Variants in FOXO1 observed in about 807,000 individuals in gnomAD.
The protein encoded by FOXO1 is forkhead box O1, also known as forkhead box protein O1.
Under a neutral mutation model 44.1 loss-of-function variants are expected in FOXO1, and 6 were observed. The ratio of observed to expected loss-of-function variants is 0.14; its 90% CI spans 0.07 to 0.27. The LOEUF is 0.27. FOXO1 is among the 10% of genes least tolerant of loss of function. FOXO1 has a pLI of 1.00. For missense variants in FOXO1, 737 were observed against 888.8 expected (o/e 0.83, Z 2.17); for synonymous variants, 380 against 362.7 (o/e 1.05, Z -0.54).
chr13:40,570,554 A>G (rs758845830), intron 1 of FOXO1, among the ~76,000 whole-genome samples: 1 of 152,224 alleles, frequency 6.6e-6, no homozygotes, highest in East Asian at 1.9e-4. Flanking sequence ...ATTTCAGAGT[A>G]ACATTTCAGC....
At position 40,557,356 on chromosome 13, in the gene FOXO1, A is replaced by G. The variant is rs559112253; in HGVS notation, c.*1693T>C. On this transcript the variant is annotated 3_prime_UTR_variant, in exon 3 of 3. Coordinates refer to ENST00000379561, the MANE Select transcript of FOXO1 (RefSeq NM_002015.4). The stretch of plus-strand genomic sequence containing the variant: ...GTCAGTTACAGGTAATTGGAAAGTA[A>G]TAAAACATAATGATAGGAATTACAG... 6.6e-6 allele frequency: 1 copy of G among 152,370 alleles called. No homozygotes were observed. The highest frequency in any genetic ancestry group is 6.5e-5 in the Admixed American group (1 of 15,308). 9.4% of individuals were successfully genotyped at this position (152,370 alleles called of 1,614,324 possible).
intron 1 of FOXO1, among the ~76,000 whole-genome samples, chr13:40,616,940 G>C (rs1452766686): frequency 6.6e-6 from 1 of 152,148 alleles, no homozygotes; most frequent in Non-Finnish European, 1.5e-5. Flanking sequence ...TTTTTCAATG[G>C]AAAGCCCTCA....
chr13:40,569,261 G>A (rs1350941751), intron 1 of FOXO1, among the ~76,000 whole-genome samples: 2 of 152,246 alleles, frequency 1.3e-5, no homozygotes, highest in Non-Finnish European at 2.9e-5. Context: ...AGAACCGGAG[G>A]TGCCGGCTCT....
At chr13:40,635,253 G>A (rs761383204) in intron 1 of FOXO1, among the ~76,000 whole-genome samples, 16 of 151,944 alleles carry the variant, frequency 1.1e-4, no homozygotes, top group East Asian at 1.9e-4. Flanking sequence ...TTCCTCCTAC[G>A]AAGAAACACA....
At chr13:40,580,765 G>T (rs555514172) in intron 1 of FOXO1, among the ~76,000 whole-genome samples, 1 of 152,232 alleles carries the variant, frequency 6.6e-6, no homozygotes, top group East Asian at 1.9e-4. Context: ...CAATGTTTAC[G>T]CAATCACTAT....
intron 1 of FOXO1, among the ~76,000 whole-genome samples, chr13:40,655,348 C>CAAA (rs1170592440): frequency 2.1e-5 from 2 of 94,576 alleles, no homozygotes; most frequent in Non-Finnish European, 4.4e-5. Flanking sequence ...GACCCCATCT[C>CAAA]AAAAAAAAAA....
chr13:40,556,353 A>G lies in FOXO1; in HGVS notation c.*2696T>C, dbSNP rs1873749779. On this transcript the variant is annotated 3_prime_UTR_variant, in exon 3 of 3. Transcript: ENST00000379561. ...TTTCCAAGTAATACATCTATTACCT[A>G]AATATATTCCATACGTCTATATTAC... 1 of 152,664 alleles carries G rather than the reference A, an allele frequency of 6.6e-6. No individual in the cohort carries two copies. The highest frequency in any genetic ancestry group is 2.1e-4 in the South Asian group (1 of 4,832). 9.5% of individuals were successfully genotyped at this position (152,664 alleles called of 1,614,324 possible).
At position 40,560,837 on chromosome 13, in the gene FOXO1, G is replaced by C; in HGVS notation, c.654C>G (p.Ser218=). 1.2e-6 allele frequency: 2 copies of C among 1,610,726 alleles called. No homozygotes were observed. The highest frequency in any genetic ancestry group is 1.7e-6 in the Non-Finnish European group (2 of 1,178,802). ...GCACACGAATGAACTTGCTGTGTAGGGACAGATTATGACGAATTGAATTCT... is the reference window on the plus strand; with the variant it reads ...GCACACGAATGAACTTGCTGTGTAGCGACAGATTATGACGAATTGAATTCT... ...GWKNSIRHNL[S]LHSKFIRVQN... Residue 218 remains serine, a synonymous_variant, in exon 2 of 3, where the codon TCC becomes TCG. Transcript: ENST00000379561. This position sits in a 1 kb window ranked among gnomAD's most constrained non-coding sequence, Gnocchi z 5.1.
chr13:40,559,791 G>A lies in FOXO1; in HGVS notation c.1700C>T (p.Pro567Leu). Reference protein sequence around the residue: ...QVKTPVQVPLPHPMQMSALGG... With the variant: ...QVKTPVQVPLLHPMQMSALGG... ...CAGGGCACTCATCTGCATGGGGTGG[G>A]GCAGAGGCACTTGTACAGGTGTCTT... The change falls in exon 2 of 3, where the codon CCC becomes CTC. Residue 567 changes from proline (P) to leucine (L), a missense_variant. By Grantham distance (98) the Pro-to-Leu change is moderately conservative. Around this residue, in one of 7 missense-constraint regions of FOXO1, gnomAD observed 283 missense variants for 278.1 expected, o/e 1.02. Coordinates refer to ENST00000379561, the MANE Select transcript of FOXO1 (RefSeq NM_002015.4). 1 of 1,613,806 alleles carries A rather than the reference G, an allele frequency of 6.2e-7. No homozygotes were observed. Among genetic ancestry groups the A allele is most frequent in the Non-Finnish European group, 8.5e-7 (1 of 1,179,854 alleles).
chr13:40,607,329 T>G (rs186307789), intron 1 of FOXO1, among the ~76,000 whole-genome samples: 21 of 152,362 alleles, frequency 1.4e-4, no homozygotes, highest in African/African-American at 4.6e-4. Flanking sequence ...CTTGCTTGGA[T>G]GAACACTCCC....
chr13:40,641,047 G>C, intron 1 of FOXO1, among the ~76,000 whole-genome samples: 1 of 152,168 alleles, frequency 6.6e-6, no homozygotes, highest in East Asian at 1.9e-4. Context: ...GCCCTCCAAA[G>C]TGCTAGGATT....
chr13:40,636,971 T>C (rs1420864692), intron 1 of FOXO1, among the ~76,000 whole-genome samples: 2 of 152,202 alleles, frequency 1.3e-5, no homozygotes, highest in Admixed American at 6.5e-5. Context: ...TATTAATTTA[T>C]GTAGCTCTCA....
Position 40,558,928 on chromosome 13 carries a change from T to C in FOXO1, c.*121A>G. The C allele has an allele frequency of 1.2e-5, 3 of 257,174 alleles. No homozygotes were observed. Among genetic ancestry groups the C allele is most frequent in the Non-Finnish European group, 1.9e-5 (3 of 159,964 alleles). The allele number at this position is 257,174 out of a possible 1,614,324, so 15.9% of individuals were successfully genotyped here. ...GAAAAAAGGAGGGTTTTTTTTTTTG[T>C]TTTTTTTTTTAACCAAGAAAACTAA... is the stretch of plus-strand genomic sequence containing the variant. On this transcript the variant is annotated 3_prime_UTR_variant, in exon 3 of 3. Transcript: ENST00000379561.
chr13:40,665,839 G>GGCTGCGGTGGCGCTGGGT lies in FOXO1; in HGVS notation c.356_373dup (p.His119_Gln124dup). 1 of 1,139,594 alleles carries GGCTGCGGTGGCGCTGGGT rather than the reference G, an allele frequency of 8.8e-7. No homozygotes were observed. Among genetic ancestry groups the GGCTGCGGTGGCGCTGGGT allele is most frequent in the Non-Finnish European group, 1.1e-6 (1 of 929,130 alleles). 70.6% of individuals were successfully genotyped at this position (1,139,594 alleles called of 1,614,324 possible). A position where few individuals can be genotyped will look rare whatever the true frequency, so the allele number is the denominator to read the frequency against. On this transcript the variant is annotated inframe_insertion, in exon 1 of 3. Coordinates refer to ENST00000379561, the MANE Select transcript of FOXO1 (RefSeq NM_002015.4). ...CTGCGACAGCGGCCCGGGCGGCGGG[G>GGCTGCGGTGGCGCTGGGT]GCTGCGGTGGCGCTGGGTGCAGGCA...
At position 40,559,372 on chromosome 13, in the gene FOXO1, G is replaced by A. The variant is rs548764406; in HGVS notation, c.*14+137C>T. On this transcript the variant is annotated intron_variant, in intron 2 of 2. Transcript: ENST00000379561. Reference sequence around the variant, plus strand: ...AACTGTAAGCTGCAAAAAGGACAGAGAATGAATGATAAAAGATCCCTCTCT... The same window carrying A: ...AACTGTAAGCTGCAAAAAGGACAGAAAATGAATGATAAAAGATCCCTCTCT... The A allele has an allele frequency of 3.6e-5, 27 of 757,448 alleles. No individual in the cohort carries two copies. The African/African-American group carries it at 4.3e-4, about 12-fold the overall frequency. 46.9% of individuals were successfully genotyped at this position (757,448 alleles called of 1,614,324 possible). A position where few individuals can be genotyped will look rare whatever the true frequency, so the allele number is the denominator to read the frequency against.
At chr13:40,568,839 G>A (rs1178981111) in intron 1 of FOXO1, among the ~76,000 whole-genome samples, 4 of 150,704 alleles carry the variant, frequency 2.7e-5, no homozygotes, top group African/African-American at 9.7e-5. Flanking sequence ...AAAACCGGAA[G>A]GTACTTCGAA....
At chr13:40,623,682 CA>C (rs1383268403) in intron 1 of FOXO1, among the ~76,000 whole-genome samples, 1 of 152,100 alleles carries the variant, frequency 6.6e-6, no homozygotes, top group Non-Finnish European at 1.5e-5. Flanking sequence ...TCACTACACT[CA>C]AAACTGGCCA....
chr13:40,609,335 T>C, intron 1 of FOXO1, among the ~76,000 whole-genome samples: 1 of 152,150 alleles, frequency 6.6e-6, no homozygotes, highest in Non-Finnish European at 1.5e-5. Flanking sequence ...TTCCTTCTGT[T>C]TTACAAAGGA....
chr13:40,560,982 C>G lies in FOXO1; in HGVS notation c.631-122G>C, dbSNP rs570887712. 199 of 906,976 alleles carry G rather than the reference C, an allele frequency of 2.2e-4. 2 individuals carry two copies. In the South Asian group the frequency reaches 3.4e-3, roughly 15 times the overall value. 56.2% of individuals were successfully genotyped at this position (906,976 alleles called of 1,614,324 possible). ...AAGAGTGTGTGCTACAGATTTCCAT[C>G]TGAACAGTCCTAATGGCTCTGAAGC... On this transcript the variant is annotated intron_variant, in intron 1 of 2. Transcript: ENST00000379561. The surrounding 1 kb of genome is among the most constrained non-coding windows in gnomAD (Gnocchi z 5.1).
Sources: allele counts gnomAD v4.1 joint callset (sites outside exome capture counted in the v4.1 genomes callset), GRCh38; gene constraint gnomAD v4.1.1; regional missense constraint gnomAD v4.1.1; non-coding constraint Gnocchi (gnomAD v3.1); transcripts MANE v1.5; gene names NCBI Gene and HGNC (gene_info 2026-07-23, HGNC 2026-07-21).